Variants in REDIC1 observed in about 807,000 individuals in gnomAD.
The protein encoded by REDIC1 is HEI10 Interacting Protein 1.
At chr12:39,813,097 G>A in the REDIC1 span, among the ~76,000 whole-genome samples, 5 of 132,244 alleles carry the variant, frequency 3.8e-5, no homozygotes, top group Middle Eastern at 4.8e-3. Flanking sequence ...CACCTACCTC[G>A]GCCTCCCAAT....
chr12:39,710,754 T>C, the REDIC1 span, among the ~76,000 whole-genome samples: 1 of 151,846 alleles, frequency 6.6e-6, no homozygotes, highest in Non-Finnish European at 1.5e-5. Context: ...CACATCTTAT[T>C]TTGTGACTTA....
At chr12:39,821,910 GAAT>G in the REDIC1 span, among the ~76,000 whole-genome samples, 2 of 152,074 alleles carry the variant, frequency 1.3e-5, no homozygotes, top group African/African-American at 2.4e-5. Context: ...GGAATGAAAA[GAAT>G]ATTATTAATT....
chr12:39,841,149 T>C, the REDIC1 span, among the ~76,000 whole-genome samples: 1 of 152,200 alleles, frequency 6.6e-6, no homozygotes, highest in Admixed American at 6.6e-5. Flanking sequence ...ATGCAAAAAA[T>C]TTTATAGTAG....
the REDIC1 span, among the ~76,000 whole-genome samples, chr12:39,723,756 G>A: frequency 3.3e-5 from 5 of 151,978 alleles, no homozygotes; most frequent in Non-Finnish European, 7.4e-5. Context: ...GCTGGAGTTG[G>A]TGTTTAACCC....
the REDIC1 span, among the ~76,000 whole-genome samples, chr12:39,649,343 C>T: frequency 1.3e-5 from 2 of 151,686 alleles, no homozygotes; most frequent in African/African-American, 4.8e-5. Context: ...AGTTGAAAAA[C>T]AAGTTAGAAC....
At chr12:39,869,906 C>T in the REDIC1 span, among the ~76,000 whole-genome samples, 1 of 152,188 alleles carries the variant, frequency 6.6e-6, no homozygotes, top group Admixed American at 6.5e-5. Context: ...AAATCCTATA[C>T]ATCTGTAAAT....
chr12:39,851,260 A>G, the REDIC1 span, among the ~76,000 whole-genome samples: 4 of 152,180 alleles, frequency 2.6e-5, no homozygotes, highest in African/African-American at 9.6e-5. Context: ...TGTTTCCAAA[A>G]TGGACAAATT....
the REDIC1 span, among the ~76,000 whole-genome samples, chr12:39,698,916 A>G: frequency 4.6e-5 from 7 of 152,220 alleles, no homozygotes; most frequent in East Asian, 3.8e-4. Flanking sequence ...CACCTTAGCT[A>G]TATATCTTAA....
chr12:39,806,517 T>C, the REDIC1 span, among the ~76,000 whole-genome samples: 3 of 152,176 alleles, frequency 2.0e-5, no homozygotes, highest in Non-Finnish European at 4.4e-5. Flanking sequence ...TATCATTATC[T>C]GAAAATCACA....
chr12:39,769,261 A>G, the REDIC1 span, among the ~76,000 whole-genome samples: 33 of 152,234 alleles, frequency 2.2e-4, no homozygotes, highest in South Asian at 6.8e-3. Flanking sequence ...ACTATCTTGT[A>G]ATCCTGAAAT....
the REDIC1 span, among the ~76,000 whole-genome samples, chr12:39,878,174 T>C: frequency 5.3e-5 from 8 of 152,298 alleles, no homozygotes; most frequent in East Asian, 1.5e-3. Context: ...TTACCAACTC[T>C]CAGGTATTTA....
chr12:39,896,186 GTA>G, the REDIC1 span, among the ~76,000 whole-genome samples: 201 of 147,222 alleles, frequency 1.4e-3, no homozygotes, highest in African/African-American at 1.5e-3. Flanking sequence ...ATGTATATAT[GTA>G]TATATGTGTA....
the REDIC1 span, among the ~76,000 whole-genome samples, chr12:39,832,713 T>C: frequency 0.014 from 1,040 of 76,510 alleles, 5 homozygotes; most frequent in Admixed American, 0.041. Flanking sequence ...ACCCCTCTAC[T>C]TGCTATTATC....
At chr12:39,744,989 G>A in the REDIC1 span, among the ~76,000 whole-genome samples, 1,679 of 152,206 alleles carry the variant, frequency 0.011, 18 homozygotes, top group Non-Finnish European at 0.017. Flanking sequence ...TAAGAAGATG[G>A]TTAGCATATA....
the REDIC1 span, among the ~76,000 whole-genome samples, chr12:39,737,789 C>T: frequency 6.6e-6 from 1 of 152,150 alleles, no homozygotes; most frequent in African/African-American, 2.4e-5. Flanking sequence ...TAGGTATTAT[C>T]CATTGACTTT....
At chr12:39,727,544 G>A in the REDIC1 span, among the ~76,000 whole-genome samples, 2 of 152,096 alleles carry the variant, frequency 1.3e-5, no homozygotes, top group African/African-American at 4.8e-5. Flanking sequence ...TGTTGTTTTG[G>A]TTACTGTAGC....
At chr12:39,682,002 A>AATT in the REDIC1 span, among the ~76,000 whole-genome samples, 131,575 of 151,840 alleles carry the variant, frequency 0.87, 57,269 homozygotes, top group African/African-American at 0.92. Context: ...CTTAACCTAG[A>AATT]ATTATTTCTG....
chr12:39,826,983 G>GT, the REDIC1 span, among the ~76,000 whole-genome samples: 9 of 143,446 alleles, frequency 6.3e-5, no homozygotes, highest in African/African-American at 2.1e-4. Flanking sequence ...GTTAACTGTG[G>GT]TTTTACCATT....
the REDIC1 span, among the ~76,000 whole-genome samples, chr12:39,857,479 T>A: frequency 4.6e-5 from 7 of 152,158 alleles, no homozygotes; most frequent in East Asian, 1.2e-3. Context: ...CTCCAAAATA[T>A]CTCGTTTCTC....
Sources: allele counts gnomAD v4.1 joint callset (sites outside exome capture counted in the v4.1 genomes callset), GRCh38; gene constraint gnomAD v4.1.1; transcripts MANE v1.5; gene names NCBI Gene and HGNC (gene_info 2026-07-23, HGNC 2026-07-21).